Variants in VWA5B1 observed in about 807,000 individuals in gnomAD.
VWA5B1 encodes the protein von Willebrand factor A domain-containing protein 5B1.
VWA5B1 carries 115 observed loss-of-function variants against 118.2 expected under a neutral mutation model. The ratio of observed to expected loss-of-function variants is 0.97; its 90% CI spans 0.84 to 1.14. VWA5B1 has a LOEUF of 1.14. VWA5B1 is among the 50% of genes most tolerant of loss of function. The pLI is 0.00. For synonymous variants in VWA5B1, 682 were observed against 658.4 expected, an observed-to-expected ratio of 1.04 and a Z score of -0.55; for missense variants, 1,596 against 1,603.8, an observed-to-expected ratio of 1.00 and a Z score of 0.08.
In VWA5B1 at chr1:20,318,657, C is replaced by T. The variant is rs565871193; in HGVS notation, c.777C>T (p.Ile259=). Residue 259 remains isoleucine, a synonymous_variant, in exon 6 of 22, where the codon ATC becomes ATT. Coordinates refer to ENST00000289815, the MANE Select transcript of VWA5B1 (RefSeq NM_001039500.3). ...AAPSARSAKS[I]IITLANKHTF... ...CATCTGCCCGCTCGGCCAAGAGCAT[C>T]ATCATCACCTTGGCCAACAAGCACA... 6.5e-7 allele frequency: 1 copy of T among 1,549,258 alleles called. No homozygotes were observed.
At chr1:20,348,380 A>G in intron 18 of VWA5B1, 22 bp downstream of exon 18, 1 of 1,551,190 alleles carries the variant, frequency 6.4e-7, no homozygotes, top group Non-Finnish European at 8.7e-7. Flanking sequence ...GCCCTAAGTA[A>G]GAGCCACCCT....
intron 4 of VWA5B1, among the ~76,000 whole-genome samples, chr1:20,315,694 G>A (rs987619997): frequency 6.6e-6 from 1 of 152,220 alleles, no homozygotes; most frequent in Non-Finnish European, 1.5e-5. Flanking sequence ...CAGGTGCCAT[G>A]TGTCACGGCA....
chr1:20,346,908 AC>A (rs1553122866), intron 17 of VWA5B1, among the ~76,000 whole-genome samples: 1 of 152,140 alleles, frequency 6.6e-6, no homozygotes, highest in Non-Finnish European at 1.5e-5. Flanking sequence ...AAAGTGATCA[AC>A]CCTTCTCAAC....
rs1191495868 is a variant in VWA5B1, at chr1:20,336,490, C to G, written c.1942+4C>G. The G allele has an allele frequency of 2.2e-6, 3 of 1,378,294 alleles. No individual in the cohort carries two copies. The highest frequency in any genetic ancestry group is 2.9e-6 in the Non-Finnish European group (3 of 1,051,718). 85.4% of individuals were successfully genotyped at this position (1,378,294 alleles called of 1,614,324 possible). ...GGAGACTCTACCACCAAGCACGGTT[C>G]GTCTGCGGCTCTGATGATTGCTGCC... On this transcript the variant is annotated splice_donor_region_variant and intron_variant, in intron 13 of 21. Coordinates refer to ENST00000289815, the MANE Select transcript of VWA5B1 (RefSeq NM_001039500.3).
chr1:20,351,997 C>A, intron 20 of VWA5B1, 58 bp from the exon 21 acceptor site: 1 of 1,379,886 alleles, frequency 7.2e-7, no homozygotes, highest in Non-Finnish European at 1.0e-6. Flanking sequence ...CTTTCAGGGG[C>A]TTCTGGGTGG....
chr1:20,337,837 G>A lies in VWA5B1; in HGVS notation c.2133+1G>A, dbSNP rs1391505155. On this transcript the variant is annotated splice_donor_variant, in intron 14 of 21. Coordinates refer to ENST00000289815, the MANE Select transcript of VWA5B1 (RefSeq NM_001039500.3). LOFTEE classifies it high-confidence loss of function. ...CCAGCGGTGGCAGATTGATTTGCAG[G>A]TACCCAAGCAGGACAGATTAGGGAG... 6.4e-7 allele frequency: 1 copy of A among 1,551,648 alleles called. No homozygotes were observed. The highest frequency in any genetic ancestry group is 8.7e-7 in the Non-Finnish European group (1 of 1,146,928).
chr1:20,344,741 T>C (rs2089972140), intron 16 of VWA5B1, among the ~76,000 whole-genome samples: 1 of 152,242 alleles, frequency 6.6e-6, no homozygotes, highest in East Asian at 1.9e-4. Context: ...TTTATTTCTG[T>C]AATAATATTA....
At chr1:20,336,903 C>T (rs748680377) in intron 13 of VWA5B1, among the ~76,000 whole-genome samples, 1 of 152,012 alleles carries the variant, frequency 6.6e-6, no homozygotes, top group Non-Finnish European at 1.5e-5. Context: ...TGCCAGGGAC[C>T]CCTAGAAAAT....
chr1:20,318,206 C>A (rs2089085772), intron 5 of VWA5B1, among the ~76,000 whole-genome samples: 2 of 151,790 alleles, frequency 1.3e-5, no homozygotes, highest in African/African-American at 4.8e-5. Flanking sequence ...GTCAGTGCGT[C>A]CTCTCCTAGA....
At chr1:20,333,821 G>A (rs1323836872) in intron 12 of VWA5B1, among the ~76,000 whole-genome samples, 5 of 152,188 alleles carry the variant, frequency 3.3e-5, no homozygotes, top group Non-Finnish European at 4.4e-5. Context: ...TTCCTCTTTC[G>A]TGAGTCTGTC....
At chr1:20,331,102 G>T (rs1433141332) in intron 11 of VWA5B1, 119 bp downstream of exon 11, 1 of 792,052 alleles carries the variant, frequency 1.3e-6, no homozygotes, top group Non-Finnish European at 2.0e-6. Context: ...TCTTCACTAG[G>T]CCACACTGCA....
rs533227456 is a variant in VWA5B1, at chr1:20,318,978, C to A, written c.841+257C>A. ...CTCATCCACCCATCGGGGCACTTTA[C>A]CCCCAGGCCAGCTGAACAGAGAGAG... On this transcript the variant is annotated intron_variant, in intron 6 of 21. Transcript: ENST00000289815. 8.5e-5 allele frequency among the ~76,000 whole-genome samples: 13 copies of A among 152,342 alleles called. No individual in the cohort carries two copies. The East Asian group carries it at 1.9e-3, about 23-fold the overall frequency.
chr1:20,345,505 C>A lies in VWA5B1; in HGVS notation c.2676C>A (p.Cys892Ter), dbSNP rs372503194. ...GCGCCTTGCACACCAGCAAGGCCTGCAACATCATTAGCAAATACACAGCCT... is the reference window on the plus strand; with the variant it reads ...GCGCCTTGCACACCAGCAAGGCCTGAAACATCATTAGCAAATACACAGCCT... The part of the protein sequence containing the change: ...QVSALHTSKA[C>*]NIISKYTAFV... The change falls in exon 17 of 22, where the codon TGC becomes TGA. Residue 892 changes from cysteine (C) to a stop codon, truncating the protein, a stop_gained. Coordinates refer to ENST00000289815, the MANE Select transcript of VWA5B1 (RefSeq NM_001039500.3). LOFTEE classifies it high-confidence loss of function. 5.2e-5 allele frequency: 80 copies of A among 1,551,260 alleles called. No individual in the cohort carries two copies. The African/African-American group carries it at 1.0e-3, about 20-fold the overall frequency.
At chr1:20,316,091 G>A (rs2088998267) in intron 4 of VWA5B1, among the ~76,000 whole-genome samples, 2 of 152,216 alleles carry the variant, frequency 1.3e-5, no homozygotes, top group Admixed American at 6.5e-5. Flanking sequence ...GAATCTCAAA[G>A]GAGCTCAGAT....
intron 17 of VWA5B1, among the ~76,000 whole-genome samples, chr1:20,345,997 T>C (rs2089999894): frequency 6.6e-6 from 1 of 152,236 alleles, no homozygotes; most frequent in African/African-American, 2.4e-5. Context: ...CTTCTCTCTA[T>C]GGATATCAGC....
intron 1 of VWA5B1, among the ~76,000 whole-genome samples, chr1:20,310,288 C>A (rs1282401181): frequency 6.6e-6 from 1 of 152,144 alleles, no homozygotes; most frequent in Non-Finnish European, 1.5e-5. Flanking sequence ...GCTCACTGGG[C>A]TCTAGCCCTG....
chr1:20,344,653 G>A (rs1433906550), intron 16 of VWA5B1, among the ~76,000 whole-genome samples: 1 of 152,186 alleles, frequency 6.6e-6, no homozygotes, highest in African/African-American at 2.4e-5. Context: ...GTGACTGGTG[G>A]GATCTTGATG....
At chr1:20,301,399 A>G (rs185834465) in intron 1 of VWA5B1, among the ~76,000 whole-genome samples, 1 of 152,342 alleles carries the variant, frequency 6.6e-6, no homozygotes, top group African/African-American at 2.4e-5. Flanking sequence ...TTACCCGCCC[A>G]CTATACAGAG....
At chr1:20,350,820 C>A in intron 19 of VWA5B1, 37 bp from the exon 20 acceptor site, 1 of 1,546,570 alleles carries the variant, frequency 6.5e-7, no homozygotes, top group South Asian at 1.2e-5. Flanking sequence ...ACGGGGTCAT[C>A]TTCAGGTCTC....
Sources: allele counts gnomAD v4.1 joint callset (sites outside exome capture counted in the v4.1 genomes callset), GRCh38; gene constraint gnomAD v4.1.1; transcripts MANE v1.5; gene names NCBI Gene and HGNC (gene_info 2026-07-23, HGNC 2026-07-21).